Variants in CEP162 observed in about 807,000 individuals in gnomAD.
The protein encoded by CEP162 is centrosomal protein of 162 kDa.
Under a neutral mutation model 169.2 loss-of-function variants are expected in CEP162, and 141 were observed. The observed-to-expected ratio is 0.83, with a 90% CI of 0.73 to 0.96. The LOEUF is 0.96. Ranked by LOEUF, CEP162 falls within the 40% of genes least tolerant of loss-of-function variation. The pLI, the probability that CEP162 is intolerant of heterozygous loss-of-function variation, is 0.00. For missense variants in CEP162, 1,600 were observed against 1,587.2 expected (o/e 1.01, Z -0.14); for synonymous variants, 540 against 526.4 (o/e 1.03, Z -0.35).
At chr6:84,157,620 A>G (rs560967041) in intron 21 of CEP162, among the ~76,000 whole-genome samples, 9 of 152,176 alleles carry the variant, frequency 5.9e-5, no homozygotes, top group African/African-American at 7.2e-5. Flanking sequence ...GGTTGCAGTG[A>G]GCCAGGATCG....
intron 3 of CEP162, among the ~76,000 whole-genome samples, chr6:84,219,673 T>C (rs1393758550): frequency 6.6e-6 from 1 of 152,216 alleles, no homozygotes; most frequent in Admixed American, 6.5e-5. Flanking sequence ...CAATAAGGAA[T>C]TTCTTTAAAT....
At chr6:84,214,136 A>G (rs994234817) in intron 5 of CEP162, among the ~76,000 whole-genome samples, 1 of 152,112 alleles carries the variant, frequency 6.6e-6, no homozygotes, top group African/African-American at 2.4e-5. Flanking sequence ...AAAATTAGCC[A>G]GGCGTGGTGG....
intron 13 of CEP162, among the ~76,000 whole-genome samples, chr6:84,180,313 C>G (rs1053140154): frequency 6.6e-6 from 1 of 152,116 alleles, no homozygotes; most frequent in Non-Finnish European, 1.5e-5. Flanking sequence ...GCTAAAAACT[C>G]TCAATAAATT....
intron 18 of CEP162, 88 bp from the exon 19 acceptor site, chr6:84,163,358 TA>T: frequency 2.1e-6 from 2 of 932,750 alleles, no homozygotes; most frequent in Non-Finnish European, 3.2e-6. Flanking sequence ...TCATGAACAC[TA>T]CGGCAAAATA....
In CEP162 at chr6:84,185,294, C is replaced by T; in HGVS notation, c.1556G>A (p.Ser519Asn). ...SVRSSGYGKP[S>N]SPLKMFSTLE... ...AGTAGAAAACATCTTGAGTGGTGAA[C>T]TGGGTTTGCCATAGCCTGAGCTCCT... is the stretch of plus-strand genomic sequence containing the variant. The change falls in exon 13 of 27, where the codon AGT (serine) becomes AAT (asparagine). Residue 519 changes from serine to asparagine, a missense_variant. Transcript: ENST00000403245. 6.2e-7 allele frequency: 1 copy of T among 1,613,640 alleles called. No homozygotes were observed. Among genetic ancestry groups the T allele is most frequent in the East Asian group, 2.2e-5 (1 of 44,848 alleles).
chr6:84,135,566 C>T (rs2099513671), intron 25 of CEP162, among the ~76,000 whole-genome samples: 1 of 152,156 alleles, frequency 6.6e-6, no homozygotes, highest in South Asian at 2.1e-4. Context: ...ATTTTTATTA[C>T]TTTAAACAAG....
In CEP162 at chr6:84,211,218, G is replaced by A. The variant is rs149461397; in HGVS notation, c.571+1739C>T. 8.5e-3 allele frequency among the ~76,000 whole-genome samples: 1,281 copies of A among 151,338 alleles called. 22 individuals are homozygous for A. The highest frequency in any genetic ancestry group is 0.029 in the African/African-American group (1,199 of 41,220). On this transcript the variant is annotated intron_variant, in intron 6 of 26. Coordinates refer to ENST00000403245, the MANE Select transcript of CEP162 (RefSeq NM_014895.4). ...CAAAGATCCAAAATGAACTGTTAGA[G>A]TGAAAGAAAAAAAAAAAGGATGGGA...
intron 25 of CEP162, among the ~76,000 whole-genome samples, chr6:84,132,274 A>AT (rs1321518265): frequency 6.6e-6 from 1 of 151,828 alleles, no homozygotes; most frequent in Non-Finnish European, 1.5e-5. Context: ...TGCCTTTAAC[A>AT]TTTTTTTCCT....
In CEP162 at chr6:84,139,767, A is replaced by T. The variant is rs536375237; in HGVS notation, c.3870+6920T>A. On this transcript the variant is annotated intron_variant, in intron 25 of 26. Transcript: ENST00000403245. ...ATTTGTAAAATTCTTTGAATTTGTGACTCTTGTGGGTTTGGTTTTGGCTAC... is the reference window on the plus strand; with the variant it reads ...ATTTGTAAAATTCTTTGAATTTGTGTCTCTTGTGGGTTTGGTTTTGGCTAC... Among the ~76,000 whole-genome samples, 6 of 152,108 alleles carry T rather than the reference A, an allele frequency of 3.9e-5. No homozygotes were observed. The East Asian group carries it at 1.2e-3, about 29-fold the overall frequency.
chr6:84,155,316 T>C lies in CEP162; in HGVS notation c.2976A>G (p.Gln992=), dbSNP rs1373371100. ...CACTTACCTTCATTTTCTGAAACTG[T>C]TGTTCCATGGTACGAAGGCTTTTCT... ...DAKKSLRTME[Q]QFQKMKIQYE... The change falls in exon 22 of 27, where the codon CAA becomes CAG. Residue 992 remains glutamine (Q), a synonymous_variant. Transcript: ENST00000403245. 1 of 1,613,302 alleles carries C rather than the reference T, an allele frequency of 6.2e-7. No homozygotes were observed. Among genetic ancestry groups the C allele is most frequent in the East Asian group, 2.2e-5 (1 of 44,834 alleles).
At chr6:84,202,902 A>C (rs1305999295) in intron 7 of CEP162, among the ~76,000 whole-genome samples, 1 of 152,104 alleles carries the variant, frequency 6.6e-6, no homozygotes, top group Non-Finnish European at 1.5e-5. Flanking sequence ...TAGACACCCC[A>C]GGACCAAATA....
intron 13 of CEP162, among the ~76,000 whole-genome samples, chr6:84,177,087 C>T (rs1473596803): frequency 6.6e-6 from 1 of 152,066 alleles, no homozygotes; most frequent in African/African-American, 2.4e-5. Context: ...AATTTATTTA[C>T]AAGACATCTC....
At chr6:84,200,008 T>C (rs1285655582) in intron 9 of CEP162, among the ~76,000 whole-genome samples, 2 of 152,214 alleles carry the variant, frequency 1.3e-5, no homozygotes, top group Non-Finnish European at 2.9e-5. Context: ...CCCAGCACTT[T>C]GGGAGGCTGA....
intron 25 of CEP162, among the ~76,000 whole-genome samples, chr6:84,131,530 C>G (rs141458884): frequency 0.089 from 13,568 of 152,214 alleles, 732 homozygotes; most frequent in Middle Eastern, 0.17. Context: ...CTGGGTGCTC[C>G]TGCATTGGGT....
At chr6:84,146,536 A>AT in intron 25 of CEP162, 151 bp downstream of exon 25, 1 of 453,106 alleles carries the variant, frequency 2.2e-6, no homozygotes, top group East Asian at 3.4e-5. Context: ...GGGAAAGCAG[A>AT]TTTTACATAA....
intron 13 of CEP162, among the ~76,000 whole-genome samples, chr6:84,181,926 T>C (rs1441819967): frequency 6.6e-6 from 1 of 152,112 alleles, no homozygotes; most frequent in African/African-American, 2.4e-5. Context: ...GAAACAACAC[T>C]ACAGTTATGG....
intron 25 of CEP162, among the ~76,000 whole-genome samples, chr6:84,130,568 TTCC>T (rs1410442100): frequency 1.3e-5 from 2 of 152,216 alleles, no homozygotes; most frequent in African/African-American, 4.8e-5. Context: ...ATTCGACTTC[TTCC>T]TCGTTTAGAC....
chr6:84,158,033 G>A (rs2129206472), intron 21 of CEP162, among the ~76,000 whole-genome samples: 1 of 152,248 alleles, frequency 6.6e-6, no homozygotes, highest in Non-Finnish European at 1.5e-5. Flanking sequence ...ATTATATAAT[G>A]AAAGAAACAC....
chr6:84,180,236 A>G lies in CEP162; in HGVS notation c.1664-4889T>C, dbSNP rs1296332076. On this transcript the variant is annotated intron_variant, in intron 13 of 26. Transcript: ENST00000403245. ...ATCCAGCATATAAACAGAACCAAAG[A>G]CAAAAACCACATGATTATCTCAATA... Among the ~76,000 whole-genome samples, 4 of 152,306 alleles carry G rather than the reference A, an allele frequency of 2.6e-5. No individual in the cohort carries two copies. In the East Asian group the frequency reaches 5.8e-4, roughly 22 times the overall value.
Sources: gnomAD v4.1 joint callset for allele counts (sites outside exome capture counted in the v4.1 genomes callset) on GRCh38, gnomAD v4.1.1 for gene constraint, MANE v1.5 for transcripts, NCBI Gene and HGNC (gene_info 2026-07-23, HGNC 2026-07-21) for gene names.